The following CPNE4 variants were observed in gnomAD, a reference collection of about 807,000 sequenced individuals.
CPNE4 encodes copine-4.
CPNE4 carries 25 observed loss-of-function variants against 67.9 expected under a neutral mutation model. The ratio of observed to expected loss-of-function variants is 0.37; its 90% confidence interval spans 0.27 to 0.51. The LOEUF is 0.51. Among genes scored for constraint, CPNE4 ranks in the 20% least tolerant of loss-of-function variants. The pLI is 0.93. For synonymous variants in CPNE4, 242 were observed against 244.9 expected (o/e 0.99, Z 0.11); for missense variants, 464 against 690.8 (o/e 0.67, Z 3.68).
intron 2 of CPNE4, among the ~76,000 whole-genome samples, chr3:131,886,830 G>A (rs772804931): frequency 4.6e-5 from 7 of 152,158 alleles, no homozygotes; most frequent in Non-Finnish European, 8.8e-5. Context: ...TGAAACAACT[G>A]TATTTACCCA....
intron 2 of CPNE4, among the ~76,000 whole-genome samples, chr3:131,819,659 C>A (rs2084888209): frequency 6.6e-6 from 1 of 152,058 alleles, no homozygotes; most frequent in Admixed American, 6.6e-5. Flanking sequence ...ACCACGGTTG[C>A]CAACAGAGAG....
chr3:131,740,341 T>A (rs979797024), intron 2 of CPNE4, among the ~76,000 whole-genome samples: 1 of 152,236 alleles, frequency 6.6e-6, no homozygotes, highest in Non-Finnish European at 1.5e-5. Context: ...AAATAAAATA[T>A]ATGAATGGAT....
At chr3:132,028,839 AG>A (rs2074174569) in intron 1 of CPNE4, among the ~76,000 whole-genome samples, 1 of 151,792 alleles carries the variant, frequency 6.6e-6, no homozygotes, top group African/African-American at 2.4e-5. Flanking sequence ...TAGAAAAAAA[AG>A]AATGTAAAAT....
chr3:131,837,248 A>C (rs2085593823), intron 2 of CPNE4, among the ~76,000 whole-genome samples: 1 of 152,172 alleles, frequency 6.6e-6, no homozygotes, highest in Non-Finnish European at 1.5e-5. Context: ...ATGTACATTT[A>C]CATAAAAACC....
intron 2 of CPNE4, among the ~76,000 whole-genome samples, chr3:131,792,891 C>CTGTGTGTG (rs1560324394): frequency 1.5e-5 from 1 of 67,616 alleles, no homozygotes; most frequent in African/African-American, 6.7e-5. Flanking sequence ...TAGGTATTTC[C>CTGTGTGTG]AGTGTGTGTG....
At chr3:131,975,902 A>G (rs2072638148) in intron 1 of CPNE4, among the ~76,000 whole-genome samples, 1 of 152,208 alleles carries the variant, frequency 6.6e-6, no homozygotes, top group Non-Finnish European at 1.5e-5. Context: ...AGTGAAATAA[A>G]CAAACATAAT....
chr3:131,739,545 T>G (rs951289617), intron 2 of CPNE4, among the ~76,000 whole-genome samples: 2 of 152,226 alleles, frequency 1.3e-5, no homozygotes, highest in African/African-American at 4.8e-5. Flanking sequence ...AAACAAATCC[T>G]GGGTAACCTT....
chr3:131,876,769 G>A (rs1306485158), intron 2 of CPNE4, among the ~76,000 whole-genome samples: 1 of 152,126 alleles, frequency 6.6e-6, no homozygotes, highest in Admixed American at 6.5e-5. Flanking sequence ...ACAAAAGGTG[G>A]CAGGGCCTAA....
chr3:131,753,509 T>A (rs2082680555), intron 2 of CPNE4, among the ~76,000 whole-genome samples: 1 of 152,086 alleles, frequency 6.6e-6, no homozygotes, highest in South Asian at 2.1e-4. Flanking sequence ...AGAAGAAATT[T>A]AGGTACAAGA....
At chr3:131,658,982 A>G (rs753637504) in intron 7 of CPNE4, among the ~76,000 whole-genome samples, 16 of 152,344 alleles carry the variant, frequency 1.1e-4, no homozygotes, top group Non-Finnish European at 2.1e-4. Context: ...TGGGATGTCA[A>G]TCCAGTTTGT....
At position 131,669,696 on chromosome 3, in the gene CPNE4, T is replaced by G; in HGVS notation, c.660A>C (p.Gly220=). ...FKVSVNSLCS[G]DPDRRLKCIV... ...TGACCTTTAGCCGGCGGTCTGGGTC[T>G]CCGCTGCATAGAGAATTTACAGATA... The change falls in exon 7 of 16, where the codon GGA becomes GGC. Residue 220 remains glycine, a synonymous_variant. Coordinates refer to ENST00000429747, the MANE Select transcript of CPNE4 (RefSeq NM_130808.3). 6.2e-7 allele frequency: 1 copy of G among 1,613,466 alleles called. No homozygotes were observed. The highest frequency in any genetic ancestry group is 8.5e-7 in the Non-Finnish European group (1 of 1,179,648).
intron 11 of CPNE4, among the ~76,000 whole-genome samples, chr3:131,564,003 A>G (rs1177392457): frequency 1.3e-5 from 2 of 152,080 alleles, no homozygotes; most frequent in East Asian, 3.9e-4. Flanking sequence ...CTTGCAAGTC[A>G]ATTGAGAGAA....
chr3:131,612,205 G>A (rs1939882892), intron 7 of CPNE4, among the ~76,000 whole-genome samples: 1 of 152,036 alleles, frequency 6.6e-6, no homozygotes, highest in South Asian at 2.1e-4. Context: ...GAAACCCCAT[G>A]TCTACTAGAA....
intron 2 of CPNE4, among the ~76,000 whole-genome samples, chr3:131,726,040 A>G (rs1379828658): frequency 1.3e-5 from 2 of 152,192 alleles, no homozygotes; most frequent in Non-Finnish European, 2.9e-5. Flanking sequence ...TTTGGAAATA[A>G]CCCCAAGAAG....
chr3:131,912,154 GC>G (rs2089003559), intron 1 of CPNE4, among the ~76,000 whole-genome samples: 1 of 152,054 alleles, frequency 6.6e-6, no homozygotes, highest in Non-Finnish European at 1.5e-5. Flanking sequence ...CTGACTTTTG[GC>G]CAATTTTAGA....
chr3:131,775,502 T>C (rs1268713105), intron 2 of CPNE4, among the ~76,000 whole-genome samples: 1 of 152,080 alleles, frequency 6.6e-6, no homozygotes. Context: ...CCATGTGTTA[T>C]GGGAGGGACA....
chr3:132,022,146 C>T (rs188703288), intron 1 of CPNE4, among the ~76,000 whole-genome samples: 1 of 152,206 alleles, frequency 6.6e-6, no homozygotes, highest in Non-Finnish European at 1.5e-5. Flanking sequence ...CATGTAGGAT[C>T]AGAAGGCAGG....
intron 14 of CPNE4, among the ~76,000 whole-genome samples, chr3:131,548,681 A>C: frequency 6.6e-6 from 1 of 152,126 alleles, no homozygotes; most frequent in East Asian, 1.9e-4. Flanking sequence ...CAAGAAGGTC[A>C]GTGTGGCTGA....
chr3:131,540,614 G>A (rs570032385), intron 15 of CPNE4, among the ~76,000 whole-genome samples: 1 of 152,310 alleles, frequency 6.6e-6, no homozygotes, highest in East Asian at 1.9e-4. Flanking sequence ...CACAGTATAG[G>A]TGAGAGTCCA....
Sources: gnomAD v4.1 joint callset for allele counts (sites outside exome capture counted in the v4.1 genomes callset) on GRCh38, gnomAD v4.1.1 for gene constraint, MANE v1.5 for transcripts, NCBI Gene and HGNC (gene_info 2026-07-23, HGNC 2026-07-21) for gene names.